Variants in UBE2E2 observed in about 807,000 individuals in gnomAD.
UBE2E2 encodes the protein ubiquitin-conjugating enzyme E2 E2.
In UBE2E2, 6 loss-of-function variants were observed where a neutral mutation model predicts 24.7. The observed-to-expected ratio is 0.24, with a 90% CI of 0.13 to 0.48. The LOEUF (loss-of-function observed/expected upper bound fraction) is 0.48, where lower values mean the gene tolerates loss of function less well. Ranked by LOEUF, UBE2E2 falls within the 20% of genes least tolerant of loss-of-function variation. The pLI, the probability that UBE2E2 is intolerant of heterozygous loss-of-function variation, is 0.99. For synonymous variants in UBE2E2, 104 were observed against 83.6 expected, an observed-to-expected ratio of 1.24 and a Z score of -1.33; for missense variants, 169 against 245.0, an observed-to-expected ratio of 0.69 and a Z score of 2.07.
intron 4 of UBE2E2, among the ~76,000 whole-genome samples, chr3:23,520,671 A>C (rs1694842580): frequency 6.6e-6 from 1 of 152,244 alleles, no homozygotes; most frequent in Non-Finnish European, 1.5e-5. Flanking sequence ...TTAGAGACAC[A>C]GAGTCTCTGT....
intron 3 of UBE2E2, among the ~76,000 whole-genome samples, chr3:23,351,574 G>A (rs970607403): frequency 1.3e-5 from 2 of 152,006 alleles, no homozygotes; most frequent in South Asian, 2.1e-4. Flanking sequence ...AAAAGGCAGG[G>A]GTTGCAATCC....
intron 3 of UBE2E2, among the ~76,000 whole-genome samples, chr3:23,303,365 C>G (rs1699154282): frequency 6.6e-6 from 1 of 152,032 alleles, no homozygotes. Flanking sequence ...GAAACCACTC[C>G]CCTCAACCCG....
chr3:23,285,517 C>T (rs1490325023), intron 3 of UBE2E2, among the ~76,000 whole-genome samples: 1 of 152,182 alleles, frequency 6.6e-6, no homozygotes, highest in Non-Finnish European at 1.5e-5. Flanking sequence ...TTTCTTTTCT[C>T]AGCATCCTCC....
At chr3:23,306,785 A>G (rs553875990) in intron 3 of UBE2E2, among the ~76,000 whole-genome samples, 1 of 152,246 alleles carries the variant, frequency 6.6e-6, no homozygotes, top group East Asian at 1.9e-4. Context: ...TGATTTTAGA[A>G]CCTTGCTCAA....
chr3:23,361,794 C>G (rs773800914), intron 3 of UBE2E2, among the ~76,000 whole-genome samples: 31 of 140,308 alleles, frequency 2.2e-4, no homozygotes, highest in Non-Finnish European at 4.6e-4. Context: ...AAACTACTTG[C>G]ATCCCCAAAA....
intron 3 of UBE2E2, among the ~76,000 whole-genome samples, chr3:23,247,302 T>C (rs1697438201): frequency 6.6e-6 from 1 of 152,178 alleles, no homozygotes; most frequent in Admixed American, 6.5e-5. Context: ...TTTTTTATTA[T>C]CTGATATCTG....
chr3:23,362,069 A>C (rs1696132208), intron 3 of UBE2E2, among the ~76,000 whole-genome samples: 1 of 152,236 alleles, frequency 6.6e-6, no homozygotes, highest in South Asian at 2.1e-4. Context: ...GAAGGGGCCA[A>C]AATGGTGAAC....
At position 23,489,684 on chromosome 3, in the gene UBE2E2, T is replaced by C. The variant is rs147729128; in HGVS notation, c.228-9924T>C. ...AATGGGGAGAGCCTGTAAATACACA[T>C]GAAGCTTTGCTCACTCACCTGCTGT... On this transcript the variant is annotated intron_variant, in intron 3 of 5. Transcript: ENST00000396703. Among the ~76,000 whole-genome samples, 973 of 152,320 alleles carry C rather than the reference T, an allele frequency of 6.4e-3. 18 individuals carry two copies. Among genetic ancestry groups the C allele is most frequent in the East Asian group, 0.048 (249 of 5,180 alleles).
At chr3:23,452,606 T>C (rs1419229961) in intron 3 of UBE2E2, among the ~76,000 whole-genome samples, 1 of 152,220 alleles carries the variant, frequency 6.6e-6, no homozygotes, top group Non-Finnish European at 1.5e-5. Flanking sequence ...ATCCTAGTTA[T>C]AATCTTTATT....
At chr3:23,449,724 C>A in intron 3 of UBE2E2, 1 of 349,076 alleles carries the variant, frequency 2.9e-6, no homozygotes, top group Non-Finnish European at 4.0e-6. Context: ...CATGATTCAT[C>A]AGTTCTAAAA....
At chr3:23,231,446 A>G (rs1219296582) in intron 3 of UBE2E2, among the ~76,000 whole-genome samples, 1 of 152,168 alleles carries the variant, frequency 6.6e-6, no homozygotes, top group Non-Finnish European at 1.5e-5. Flanking sequence ...AACAACACAA[A>G]CTCAGGACGC....
At chr3:23,401,848 CTTTTTTTT>C (rs35903137) in intron 3 of UBE2E2, among the ~76,000 whole-genome samples, 1 of 67,660 alleles carries the variant, frequency 1.5e-5, no homozygotes, top group African/African-American at 7.5e-5. Context: ...TGCCTGGCTA[CTTTTTTTT>C]TTTTTTTTTT....
At chr3:23,430,611 TGG>T (rs1698038471) in intron 3 of UBE2E2, among the ~76,000 whole-genome samples, 1 of 151,676 alleles carries the variant, frequency 6.6e-6, no homozygotes, top group Non-Finnish European at 1.5e-5. Context: ...CTCAACCCCC[TGG>T]GGTCAAGCAG....
intron 3 of UBE2E2, among the ~76,000 whole-genome samples, chr3:23,483,300 G>A (rs1222254508): frequency 6.6e-6 from 1 of 152,170 alleles, no homozygotes. Context: ...ATTTAAGTTT[G>A]CAGAGTGACA....
intron 3 of UBE2E2, among the ~76,000 whole-genome samples, chr3:23,224,750 G>A (rs1476578168): frequency 6.6e-6 from 1 of 151,944 alleles, no homozygotes; most frequent in African/African-American, 2.4e-5. Flanking sequence ...TCAATTGATG[G>A]ATATTTATAT....
rs1694601602 is a variant in UBE2E2, at chr3:23,511,882, C to CTCACA, written c.360+12142_360+12143insTCACA. The stretch of plus-strand genomic sequence containing the variant: ...TTAATTTTCTCACAAGTGCCTAAAT[C>CTCACA]AGGCCTAAAATAAGTCAAAATAATT... On this transcript the variant is annotated intron_variant, in intron 4 of 5. Transcript: ENST00000396703. Among the ~76,000 whole-genome samples the CTCACA allele has an allele frequency of 7.2e-5, 11 of 152,278 alleles. No individual in the cohort carries two copies. The South Asian group carries it at 2.3e-3, about 32-fold the overall frequency.
intron 3 of UBE2E2, among the ~76,000 whole-genome samples, chr3:23,389,111 G>A (rs1053319676): frequency 2.6e-5 from 4 of 152,120 alleles, no homozygotes; most frequent in African/African-American, 9.7e-5. Flanking sequence ...CAGGGGCAGT[G>A]GCAGGACTGA....
intron 5 of UBE2E2, among the ~76,000 whole-genome samples, chr3:23,535,618 CTTTTTTTT>C (rs67901258): frequency 1.0e-4 from 9 of 86,020 alleles, no homozygotes; most frequent in Non-Finnish European, 1.9e-4. Context: ...ATAGAGCATT[CTTTTTTTT>C]TTTTTTTTTT....
At chr3:23,449,588 C>A (rs900924077) in intron 3 of UBE2E2, among the ~76,000 whole-genome samples, 3 of 152,118 alleles carry the variant, frequency 2.0e-5, no homozygotes, top group African/African-American at 7.2e-5. Context: ...ATTGGAAAAA[C>A]CATTATCTGG....
Sources: allele counts gnomAD v4.1 joint callset (sites outside exome capture counted in the v4.1 genomes callset), GRCh38; gene constraint gnomAD v4.1.1; transcripts MANE v1.5; gene names NCBI Gene and HGNC (gene_info 2026-07-23, HGNC 2026-07-21).